The following BANP variants were observed in gnomAD, a reference collection of about 807,000 sequenced individuals.
BANP encodes protein BANP.
Under a neutral mutation model 68.1 loss-of-function variants are expected in BANP, and 11 were observed. The observed-to-expected ratio is 0.16, with a 90% CI of 0.10 to 0.27. The LOEUF is 0.27. BANP is among the 10% of genes least tolerant of loss of function. BANP has a pLI of 1.00. For synonymous variants in BANP, 329 were observed against 303.2 expected, an observed-to-expected ratio of 1.09 and a Z score of -0.88; for missense variants, 504 against 722.7, an observed-to-expected ratio of 0.70 and a Z score of 3.47.
chr16:87,956,462 T>C (rs2058068379), intron 1 of BANP: 1 of 152,214 alleles, frequency 6.6e-6, no homozygotes. Flanking sequence ...ATCCGGAACT[T>C]TGGGGGCCTG....
At chr16:87,958,925 T>C (rs959382271) in intron 1 of BANP, among the ~76,000 whole-genome samples, 13 of 152,218 alleles carry the variant, frequency 8.5e-5, no homozygotes, top group Non-Finnish European at 1.8e-4. Context: ...GGATCCATCC[T>C]TTGCAGACAT....
At chr16:88,028,877 A>G (rs944629483) in intron 8 of BANP, among the ~76,000 whole-genome samples, 1 of 152,250 alleles carries the variant, frequency 6.6e-6, no homozygotes, top group African/African-American at 2.4e-5. Context: ...TTGATTAAAA[A>G]TTTATGTGTG....
chr16:87,992,213 C>G (rs1285032519), intron 4 of BANP, among the ~76,000 whole-genome samples: 1 of 152,076 alleles, frequency 6.6e-6, no homozygotes, highest in African/African-American at 2.4e-5. Flanking sequence ...ATAAACCTGA[C>G]TTCATCTACA....
chr16:88,059,556 C>G (rs12931014), intron 11 of BANP, among the ~76,000 whole-genome samples: 39,726 of 152,090 alleles, frequency 0.26, 6,852 homozygotes, highest in Non-Finnish European at 0.4. Flanking sequence ...ACAGGACCCT[C>G]CCCATCCCCA....
chr16:88,072,361 C>G lies in BANP; in HGVS notation c.1521+149C>G, dbSNP rs79666647. ...CACAGATGCCCATCTGAGGGTTCTA[C>G]GTCTCACACTCACCGTGAACGTGAA... On this transcript the variant is annotated intron_variant, in intron 13 of 13. Coordinates refer to ENST00000682872, the MANE Select transcript of BANP (RefSeq NM_001386991.1). The G allele has an allele frequency of 6.5e-6, 6 of 926,986 alleles. No homozygotes were observed. In the East Asian group the frequency reaches 1.6e-4, roughly 25 times the overall value. 57.4% of individuals were successfully genotyped at this position (926,986 alleles called of 1,614,324 possible).
intron 11 of BANP, among the ~76,000 whole-genome samples, chr16:88,044,442 G>C (rs541676602): frequency 6.6e-6 from 1 of 152,206 alleles, no homozygotes; most frequent in African/African-American, 2.4e-5. Context: ...GTATTACTGC[G>C]TGCTGATTGC....
intron 12 of BANP, among the ~76,000 whole-genome samples, chr16:88,069,060 C>T (rs966891000): frequency 2.0e-5 from 3 of 151,876 alleles, no homozygotes; most frequent in Non-Finnish European, 4.4e-5. Flanking sequence ...AGATGGAGGG[C>T]GCTCCAGTGG....
chr16:87,970,530 G>A (rs1006373122), intron 1 of BANP, among the ~76,000 whole-genome samples: 1 of 152,170 alleles, frequency 6.6e-6, no homozygotes, highest in Non-Finnish European at 1.5e-5. Context: ...TGTATAGAAA[G>A]GCAGAATAAA....
Position 88,018,974 on chromosome 16 carries a change from G to A in BANP, c.895+307G>A, listed in dbSNP as rs1228103430. Among the ~76,000 whole-genome samples the A allele has an allele frequency of 6.6e-6, 1 of 152,208 alleles. No individual in the cohort carries two copies. Among genetic ancestry groups the A allele is most frequent in the African/African-American group, 2.4e-5 (1 of 41,476 alleles). ...GTCTGTAGGCCACTCTTGAGGAAGA[G>A]AGAGGAGGAGGAGAGCCGGGGCCTT... is the stretch of plus-strand genomic sequence containing the variant. On this transcript the variant is annotated intron_variant, in intron 7 of 13. Coordinates refer to ENST00000682872, the MANE Select transcript of BANP (RefSeq NM_001386991.1). The surrounding 1 kb of genome is among the most constrained non-coding windows in gnomAD (Gnocchi z 7.7).
At position 88,057,130 on chromosome 16, in the gene BANP, C is replaced by A. The variant is rs993915626; in HGVS notation, c.1312-8137C>A. Among the ~76,000 whole-genome samples, 1 of 152,086 alleles carries A rather than the reference C, an allele frequency of 6.6e-6. No homozygotes were observed. Among genetic ancestry groups the A allele is most frequent in the African/African-American group, 2.4e-5 (1 of 41,402 alleles). ...TGGGTGTTCTGAGACTTTTCTGTTG[C>A]CGTTGTTGAGCTGTGTCTGCCTTTT... On this transcript the variant is annotated intron_variant, in intron 11 of 13. Transcript: ENST00000682872. The surrounding 1 kb of genome is among the most constrained non-coding windows in gnomAD (Gnocchi z 4.6).
intron 2 of BANP, among the ~76,000 whole-genome samples, chr16:87,979,757 A>C (rs1340158364): frequency 6.6e-6 from 1 of 152,186 alleles, no homozygotes; most frequent in Admixed American, 6.5e-5. Context: ...CACGTATATA[A>C]TATCTATTCT....
chr16:87,971,687 C>T, intron 1 of BANP, among the ~76,000 whole-genome samples: 1 of 150,880 alleles, frequency 6.6e-6, no homozygotes, highest in African/African-American at 2.4e-5. Context: ...TGTTTTTTTC[C>T]CCCTAGGTTG....
chr16:87,975,632 A>AT (rs2061937772), intron 2 of BANP, among the ~76,000 whole-genome samples: 1 of 91,410 alleles, frequency 1.1e-5, no homozygotes, highest in African/African-American at 4.5e-5. Flanking sequence ...TGCGGCGTCC[A>AT]GGATCCTTAC....
At chr16:88,073,159 G>A (rs547422025) in intron 13 of BANP, among the ~76,000 whole-genome samples, 20 of 152,366 alleles carry the variant, frequency 1.3e-4, no homozygotes, top group Non-Finnish European at 1.5e-5. Flanking sequence ...GCTTGCTGAA[G>A]AAGTGGGCTC....
At chr16:87,985,695 A>C (rs1243881221) in intron 4 of BANP, among the ~76,000 whole-genome samples, 1 of 152,192 alleles carries the variant, frequency 6.6e-6, no homozygotes, top group Non-Finnish European at 1.5e-5. Context: ...GGCTGTGAAA[A>C]AGCCGGACGT....
chr16:87,966,276 C>T (rs1323684052), intron 1 of BANP, among the ~76,000 whole-genome samples: 1 of 152,098 alleles, frequency 6.6e-6, no homozygotes, highest in Admixed American at 6.5e-5. Flanking sequence ...TTCCCATATG[C>T]GCCCTGAGCC....
intron 7 of BANP, among the ~76,000 whole-genome samples, chr16:88,026,496 CCT>C (rs1189012530): frequency 2.0e-5 from 3 of 152,200 alleles, no homozygotes; most frequent in Non-Finnish European, 2.9e-5. Flanking sequence ...AACAAAGGCC[CCT>C]GTGTTTATGA....
intron 6 of BANP, among the ~76,000 whole-genome samples, chr16:88,008,048 G>T (rs1438424010): frequency 6.6e-6 from 1 of 152,150 alleles, no homozygotes; most frequent in Non-Finnish European, 1.5e-5. Context: ...CCAGCCTCCA[G>T]CCCCGGCACC....
chr16:88,041,284 G>A (rs2080730608), intron 11 of BANP, among the ~76,000 whole-genome samples: 1 of 152,208 alleles, frequency 6.6e-6, no homozygotes, highest in Admixed American at 6.5e-5. Context: ...CCGGGGCGAC[G>A]GGTTTGAGGC....
Sources: gnomAD v4.1 joint callset for allele counts (sites outside exome capture counted in the v4.1 genomes callset) on GRCh38, gnomAD v4.1.1 for gene constraint, Gnocchi (gnomAD v3.1) non-coding constraint, MANE v1.5 for transcripts, NCBI Gene and HGNC (gene_info 2026-07-23, HGNC 2026-07-21) for gene names.